Variants in CWH43 observed in about 807,000 individuals in gnomAD.
CWH43 encodes the protein cell wall biogenesis 43 C-terminal homolog.
CWH43 carries 91 observed loss-of-function variants against 85.7 expected under a neutral mutation model. The ratio of observed to expected loss-of-function variants is 1.06; its 90% confidence interval spans 0.90 to 1.26. The LOEUF (loss-of-function observed/expected upper bound fraction) is 1.26, where lower values mean the gene tolerates loss of function less well. Among genes scored for constraint, CWH43 ranks in the 50% most tolerant of loss-of-function variants. The pLI is 0.00. For synonymous variants in CWH43, 323 were observed against 293.6 expected, an observed-to-expected ratio of 1.10 and a Z score of -1.02; for missense variants, 869 against 839.2, an observed-to-expected ratio of 1.04 and a Z score of -0.44.
chr4:49,041,193 G>A (rs1179084886), intron 13 of CWH43, among the ~76,000 whole-genome samples: 2 of 152,194 alleles, frequency 1.3e-5, no homozygotes, highest in Non-Finnish European at 2.9e-5. Context: ...TTCCAGCTTT[G>A]TTCTTTTGGC....
intron 9 of CWH43, among the ~76,000 whole-genome samples, chr4:49,019,567 T>A (rs1164810483): frequency 6.6e-6 from 1 of 152,038 alleles, no homozygotes; most frequent in African/African-American, 2.4e-5. Flanking sequence ...GTATTATTTT[T>A]AATGTCAATA....
intron 8 of CWH43, among the ~76,000 whole-genome samples, chr4:49,008,168 C>T (rs567263467): frequency 6.6e-6 from 1 of 152,154 alleles, no homozygotes; most frequent in Non-Finnish European, 1.5e-5. Context: ...ACCATTCTAA[C>T]TGGTGTGAGA....
chr4:49,039,487 T>C (rs1374613200), intron 13 of CWH43, among the ~76,000 whole-genome samples: 1 of 146,222 alleles, frequency 6.8e-6, no homozygotes, highest in Non-Finnish European at 1.5e-5. Context: ...ATGAGAAATA[T>C]GATTGTTATG....
intron 8 of CWH43, among the ~76,000 whole-genome samples, chr4:49,015,613 T>G (rs1314416195): frequency 6.6e-6 from 1 of 152,274 alleles, no homozygotes; most frequent in East Asian, 1.9e-4. Context: ...TTCTCAACAT[T>G]GTTTCTGCAA....
At chr4:49,053,253 G>T (rs1234120884) in intron 15 of CWH43, among the ~76,000 whole-genome samples, 3 of 152,174 alleles carry the variant, frequency 2.0e-5, no homozygotes, top group Admixed American at 1.3e-4. Flanking sequence ...TGCAGTGAAT[G>T]TAGGAGTACA....
chr4:49,038,869 T>C (rs1784347014), intron 13 of CWH43, among the ~76,000 whole-genome samples: 1 of 151,348 alleles, frequency 6.6e-6, no homozygotes, highest in Non-Finnish European at 1.5e-5. Flanking sequence ...CCATCCTGGT[T>C]AACATGGTGA....
chr4:49,057,619 T>G (rs1283687558), intron 15 of CWH43, among the ~76,000 whole-genome samples: 2 of 152,208 alleles, frequency 1.3e-5, no homozygotes, highest in Non-Finnish European at 1.5e-5. Context: ...TCTCTATGTA[T>G]GTTAGGTCGA....
intron 8 of CWH43, among the ~76,000 whole-genome samples, chr4:49,013,448 C>A (rs868498467): frequency 6.6e-6 from 1 of 152,234 alleles, no homozygotes; most frequent in Non-Finnish European, 1.5e-5. Flanking sequence ...TTGCACTTCC[C>A]GGGTGAGGTG....
intron 1 of CWH43, 28 bp downstream of exon 1, chr4:48,986,500 C>T (rs1388645323): frequency 1.9e-6 from 3 of 1,551,258 alleles, no homozygotes; most frequent in East Asian, 4.9e-5. Context: ...GCCGCGAGTT[C>T]GCGGGTGCCA....
chr4:49,050,566 C>T, intron 14 of CWH43, 128 bp from the exon 15 acceptor site: 9 of 578,750 alleles, frequency 1.6e-5, no homozygotes, highest in African/African-American at 1.9e-5. Flanking sequence ...AAGTTAATTC[C>T]AGTTGTGATA....
chr4:48,986,924 C>A, intron 1 of CWH43: 1 of 560,440 alleles, frequency 1.8e-6, no homozygotes, highest in Non-Finnish European at 2.3e-6. Flanking sequence ...CAGCTGCTGC[C>A]GTGGGCTGGG....
chr4:49,008,024 C>T (rs552070067), intron 8 of CWH43, among the ~76,000 whole-genome samples: 10 of 152,274 alleles, frequency 6.6e-5, no homozygotes, highest in South Asian at 2.1e-4. Context: ...ATTTCTAGTT[C>T]TAGATCCTTG....
At chr4:49,044,909 TGA>T in intron 14 of CWH43, 62 bp downstream of exon 14, 2 of 1,389,886 alleles carry the variant, frequency 1.4e-6, no homozygotes, top group Non-Finnish European at 2.0e-6. Flanking sequence ...TGGGTCTGTC[TGA>T]GAAGGAAAAA....
chr4:49,028,570 G>T, intron 9 of CWH43, 59 bp from the exon 10 acceptor site: 1 of 1,173,412 alleles, frequency 8.5e-7, no homozygotes, highest in African/African-American at 1.5e-5. Context: ...AGAAAAGTGG[G>T]TCACTGAAAC....
At chr4:49,009,544 G>T (rs1200516558) in intron 8 of CWH43, among the ~76,000 whole-genome samples, 1 of 152,166 alleles carries the variant, frequency 6.6e-6, no homozygotes, top group Non-Finnish European at 1.5e-5. Context: ...GGGCATACTT[G>T]TCTTGTGCTG....
intron 14 of CWH43, 145 bp downstream of exon 14, chr4:49,044,992 G>A: frequency 1.6e-6 from 1 of 626,856 alleles, no homozygotes; most frequent in Non-Finnish European, 2.8e-6. Context: ...ACATTGATTT[G>A]ACTATACAGT....
At chr4:48,999,827 G>T (rs1193317277) in intron 6 of CWH43, among the ~76,000 whole-genome samples, 1 of 152,094 alleles carries the variant, frequency 6.6e-6, no homozygotes, top group Non-Finnish European at 1.5e-5. Flanking sequence ...TAGGGTCCAT[G>T]TCTGCTTACT....
At chr4:49,041,227 G>C (rs1314902705) in intron 13 of CWH43, among the ~76,000 whole-genome samples, 1 of 152,170 alleles carries the variant, frequency 6.6e-6, no homozygotes, top group Non-Finnish European at 1.5e-5. Context: ...GGCAATGCGG[G>C]CTCTTTTTTG....
chr4:49,020,691 C>T (rs1432256045), intron 9 of CWH43, among the ~76,000 whole-genome samples: 1 of 152,044 alleles, frequency 6.6e-6, no homozygotes, highest in Non-Finnish European at 1.5e-5. Flanking sequence ...TAAAAGTGTT[C>T]CTTTTCACTA....
Sources: gnomAD v4.1 joint callset for allele counts (sites outside exome capture counted in the v4.1 genomes callset) on GRCh38, gnomAD v4.1.1 for gene constraint, MANE v1.5 for transcripts, NCBI Gene and HGNC (gene_info 2026-07-23, HGNC 2026-07-21) for gene names.